Variants in CAMKMT observed in about 807,000 individuals in gnomAD.
CAMKMT encodes CaM KMT.
CAMKMT carries 53 observed loss-of-function variants against 48.0 expected under a neutral mutation model. That is an observed-to-expected ratio of 1.10 (90% CI 0.89 to 1.39). The LOEUF is 1.39. Among genes scored for constraint, CAMKMT ranks in the 40% most tolerant of loss-of-function variants. CAMKMT has a pLI of 0.00. For synonymous variants in CAMKMT, 165 were observed against 152.3 expected (o/e 1.08, Z -0.61); for missense variants, 428 against 402.7 (o/e 1.06, Z -0.54).
At chr2:44,423,587 C>T (rs1684075089) in intron 3 of CAMKMT, among the ~76,000 whole-genome samples, 1 of 152,114 alleles carries the variant, frequency 6.6e-6, no homozygotes, top group Non-Finnish European at 1.5e-5. Flanking sequence ...TTCTGTGAGC[C>T]TAGTTATCAC....
At chr2:44,415,081 G>A (rs950245148) in intron 3 of CAMKMT, among the ~76,000 whole-genome samples, 2 of 152,176 alleles carry the variant, frequency 1.3e-5, no homozygotes, top group Non-Finnish European at 2.9e-5. Context: ...AACCCGGGAG[G>A]CAGAGAATGC....
chr2:44,627,591 T>A (rs1446956079), intron 3 of CAMKMT, among the ~76,000 whole-genome samples: 1 of 152,036 alleles, frequency 6.6e-6, no homozygotes, highest in African/African-American at 2.4e-5. Flanking sequence ...TTTTTACTTC[T>A]TCTTGTGTCA....
chr2:44,521,726 C>G (rs971662848), intron 3 of CAMKMT, among the ~76,000 whole-genome samples: 2 of 152,278 alleles, frequency 1.3e-5, no homozygotes, highest in South Asian at 4.1e-4. Context: ...TCCATAAAGA[C>G]AGGTTATAAT....
At chr2:44,443,077 T>A (rs1029597877) in intron 3 of CAMKMT, among the ~76,000 whole-genome samples, 1 of 152,244 alleles carries the variant, frequency 6.6e-6, no homozygotes, top group Admixed American at 6.5e-5. Flanking sequence ...ATTTAAAATA[T>A]AGTTCTTTGA....
intron 9 of CAMKMT, 142 bp downstream of exon 9, chr2:44,754,260 T>C: frequency 1.5e-6 from 1 of 657,600 alleles, no homozygotes; most frequent in Non-Finnish European, 2.6e-6. Flanking sequence ...TTGGGTCTTC[T>C]GATCTATTAG....
chr2:44,664,616 T>C (rs2104097242), intron 3 of CAMKMT, among the ~76,000 whole-genome samples: 1 of 152,300 alleles, frequency 6.6e-6, no homozygotes, highest in South Asian at 2.1e-4. Flanking sequence ...GTGTTTATAA[T>C]TTAAGAGGAA....
rs753704024 is a variant in CAMKMT at position 44,743,618 on chromosome 2, C to T, written c.624-4C>T. 3 of 1,606,974 alleles carry T rather than the reference C, an allele frequency of 1.9e-6. No individual in the cohort carries two copies. The South Asian group carries it at 3.3e-5, about 18-fold the overall frequency. On this transcript the variant is annotated splice_polypyrimidine_tract_variant and splice_region_variant and intron_variant, in intron 7 of 10. Transcript: ENST00000378494. ...ATAATTTTTAAAATCTTTTTCTCCT[C>T]AAGCGTTTTACGATGGGATAATGAG...
intron 3 of CAMKMT, among the ~76,000 whole-genome samples, chr2:44,415,144 C>T (rs766481350): frequency 1.6e-4 from 24 of 151,888 alleles, no homozygotes; most frequent in African/African-American, 2.2e-4. Context: ...AGTGAGACTC[C>T]GTCTCGGAAA....
At chr2:44,522,097 A>T (rs1671146178) in intron 3 of CAMKMT, among the ~76,000 whole-genome samples, 1 of 150,492 alleles carries the variant, frequency 6.6e-6, no homozygotes, top group Admixed American at 6.6e-5. Context: ...TGCCCCTCCC[A>T]GGTTCAAGCA....
At position 44,571,160 on chromosome 2, in the gene CAMKMT, G is replaced by A. The variant is rs1010295901; in HGVS notation, c.377-133123G>A. On this transcript the variant is annotated intron_variant, in intron 3 of 10. Coordinates refer to ENST00000378494, the MANE Select transcript of CAMKMT (RefSeq NM_024766.5). ...TAGAGCTGATATTTTAAATCTAGTC[G>A]TTTTTACCAATGTAAGGGAATTTAA... 9.9e-5 allele frequency among the ~76,000 whole-genome samples: 15 copies of A among 152,164 alleles called. 1 individual carries two copies. The highest frequency in any genetic ancestry group is 2.1e-4 in the South Asian group (1 of 4,810).
At chr2:44,719,098 C>T (rs1678327757) in intron 7 of CAMKMT, among the ~76,000 whole-genome samples, 1 of 152,166 alleles carries the variant, frequency 6.6e-6, no homozygotes, top group Non-Finnish European at 1.5e-5. Flanking sequence ...ATATCCACAT[C>T]TCATCTAGCT....
chr2:44,658,348 G>A (rs1358704558), intron 3 of CAMKMT, among the ~76,000 whole-genome samples: 2 of 152,172 alleles, frequency 1.3e-5, no homozygotes, highest in Non-Finnish European at 2.9e-5. Context: ...TATTTCAGGA[G>A]AGCAAAGGAA....
intron 1 of CAMKMT, among the ~76,000 whole-genome samples, chr2:44,362,697 T>G (rs564494215): frequency 1.3e-5 from 2 of 152,352 alleles, no homozygotes; most frequent in South Asian, 4.1e-4. Context: ...CACTGAGGTC[T>G]CAAAGTTAAA....
intron 3 of CAMKMT, among the ~76,000 whole-genome samples, chr2:44,558,161 C>T (rs1558701671): frequency 6.6e-6 from 1 of 152,072 alleles, no homozygotes; most frequent in Non-Finnish European, 1.5e-5. Flanking sequence ...CTCAAGTGAT[C>T]CTTCTGCCTC....
chr2:44,617,091 A>C (rs1671934217), intron 3 of CAMKMT, among the ~76,000 whole-genome samples: 1 of 152,206 alleles, frequency 6.6e-6, no homozygotes, highest in Non-Finnish European at 1.5e-5. Context: ...TTACAAAATA[A>C]ACATGTTTAA....
At chr2:44,592,546 A>G (rs923552286) in intron 3 of CAMKMT, among the ~76,000 whole-genome samples, 4 of 152,204 alleles carry the variant, frequency 2.6e-5, no homozygotes, top group Non-Finnish European at 5.9e-5. Flanking sequence ...TAATGGCCCC[A>G]AAGTGCAAGA....
chr2:44,375,669 G>T (rs934897420), intron 2 of CAMKMT, among the ~76,000 whole-genome samples: 1 of 152,130 alleles, frequency 6.6e-6, no homozygotes, highest in Non-Finnish European at 1.5e-5. Context: ...AAAATACACA[G>T]GGTAAGAAAG....
intron 3 of CAMKMT, among the ~76,000 whole-genome samples, chr2:44,400,048 C>T (rs766010272): frequency 6.6e-6 from 1 of 152,064 alleles, no homozygotes; most frequent in Non-Finnish European, 1.5e-5. Context: ...AAAGCCTGAC[C>T]CAAGTGGTAT....
At chr2:44,550,216 A>G (rs912555978) in intron 3 of CAMKMT, among the ~76,000 whole-genome samples, 3 of 152,006 alleles carry the variant, frequency 2.0e-5, no homozygotes, top group African/African-American at 7.2e-5. Context: ...CCAGGGCAAC[A>G]TAGGGAGACC....
Sources: allele counts gnomAD v4.1 joint callset (sites outside exome capture counted in the v4.1 genomes callset), GRCh38; gene constraint gnomAD v4.1.1; transcripts MANE v1.5; gene names NCBI Gene and HGNC (gene_info 2026-07-23, HGNC 2026-07-21).